The following DENND5B variants were observed in gnomAD, a reference collection of about 807,000 sequenced individuals.
The protein encoded by DENND5B is DENN domain containing 5B.
In DENND5B, 34 loss-of-function variants were observed where a neutral mutation model predicts 140.6. The ratio of observed to expected loss-of-function variants is 0.24; its 90% CI spans 0.18 to 0.32. The LOEUF (loss-of-function observed/expected upper bound fraction) is 0.32, where lower values mean the gene tolerates loss of function less well. Among genes scored for constraint, DENND5B ranks in the 10% least tolerant of loss-of-function variants. DENND5B has a pLI of 1.00. For missense variants in DENND5B, 1,142 were observed against 1,560.2 expected, an observed-to-expected ratio of 0.73 and a Z score of 4.52; for synonymous variants, 551 against 562.1, an observed-to-expected ratio of 0.98 and a Z score of 0.28.
At chr12:31,471,144 G>GT (rs1945538261) in intron 3 of DENND5B, among the ~76,000 whole-genome samples, 1 of 150,252 alleles carries the variant, frequency 6.7e-6, no homozygotes, top group South Asian at 2.1e-4. Flanking sequence ...TGGTCAGGGC[G>GT]TGACAACTAG....
chr12:31,426,654 G>A lies in DENND5B; in HGVS notation c.2107-230C>T, dbSNP rs536981191. 4.3e-4 allele frequency: 165 copies of A among 384,572 alleles called. 2 individuals carry two copies. The South Asian group carries it at 5.7e-3, about 13-fold the overall frequency. 23.8% of individuals were successfully genotyped at this position (384,572 alleles called of 1,614,324 possible). A position where few individuals can be genotyped will look rare whatever the true frequency, so the allele number is the denominator to read the frequency against. ...AGTAAAGTGACAGAAACCCCATCAC[G>A]TTAAAACTCATTCAAAGTGAGATGA... On this transcript the variant is annotated intron_variant, in intron 8 of 20. Coordinates refer to ENST00000389082, the MANE Select transcript of DENND5B (RefSeq NM_144973.4).
chr12:31,383,506 A>T lies in DENND5B; in HGVS notation c.*4097T>A, dbSNP rs1168653130. The T allele has an allele frequency of 6.6e-6, 1 of 152,220 alleles. No individual in the cohort carries two copies. Among genetic ancestry groups the T allele is most frequent in the Non-Finnish European group, 1.5e-5 (1 of 68,036 alleles). The allele number at this position is 152,220 out of a possible 1,614,324, so 9.4% of individuals were successfully genotyped here. ...ATAATTTTTTAAAAAGCCATGTGAA[A>T]GTAAATACCACAAGGTTACAAAAGG... On this transcript the variant is annotated 3_prime_UTR_variant, in exon 21 of 21. Coordinates refer to ENST00000389082, the MANE Select transcript of DENND5B (RefSeq NM_144973.4).
At chr12:31,544,169 T>G (rs941937026) in intron 1 of DENND5B, among the ~76,000 whole-genome samples, 6 of 152,198 alleles carry the variant, frequency 3.9e-5, no homozygotes, top group African/African-American at 1.2e-4. Context: ...ATCTCAAAAT[T>G]AATGAATGAA....
At chr12:31,539,169 A>G (rs1413864192) in intron 1 of DENND5B, among the ~76,000 whole-genome samples, 1 of 152,130 alleles carries the variant, frequency 6.6e-6, no homozygotes, top group Non-Finnish European at 1.5e-5. Context: ...ACTACAACCT[A>G]CCATGATTGA....
At chr12:31,392,826 T>C (rs576028356) in intron 17 of DENND5B, 130 bp from the exon 18 acceptor site, 43 of 870,874 alleles carry the variant, frequency 4.9e-5, no homozygotes, top group Non-Finnish European at 6.8e-5. Context: ...AGGGGCTCCA[T>C]AGAACTTGCC....
intron 5 of DENND5B, among the ~76,000 whole-genome samples, chr12:31,448,673 C>T (rs1455218072): frequency 6.6e-6 from 1 of 152,144 alleles, no homozygotes; most frequent in Non-Finnish European, 1.5e-5. Context: ...ATTCCTTCCA[C>T]ACCTGTGCTG....
chr12:31,392,734 G>T, intron 17 of DENND5B, 38 bp from the exon 18 acceptor site: 1 of 1,533,894 alleles, frequency 6.5e-7, no homozygotes. Context: ...TCTCATGGGA[G>T]AGAAATAAAC....
At chr12:31,475,642 A>G (rs1311539340) in intron 3 of DENND5B, among the ~76,000 whole-genome samples, 2 of 151,886 alleles carry the variant, frequency 1.3e-5, no homozygotes, top group African/African-American at 4.8e-5. Context: ...CCAGCTACTC[A>G]GGAGGCTGAG....
chr12:31,422,650 G>A (rs77968969), intron 11 of DENND5B, among the ~76,000 whole-genome samples: 1,735 of 152,198 alleles, frequency 0.011, 14 homozygotes, highest in East Asian at 0.036. Flanking sequence ...AAAAGGTTCC[G>A]AAATGGCTGA....
intron 8 of DENND5B, among the ~76,000 whole-genome samples, chr12:31,429,172 G>A (rs1259551586): frequency 6.7e-6 from 1 of 149,370 alleles, no homozygotes; most frequent in Non-Finnish European, 1.5e-5. Flanking sequence ...ACGCCCGGCT[G>A]TAATTTTTGT....
intron 1 of DENND5B, among the ~76,000 whole-genome samples, chr12:31,558,508 A>T (rs972568921): frequency 6.6e-6 from 1 of 152,156 alleles, no homozygotes; most frequent in Non-Finnish European, 1.5e-5. Context: ...GACCCAAATA[A>T]CTTCATTCCT....
In DENND5B at chr12:31,383,779, A is replaced by C. The variant is rs1940734820; in HGVS notation, c.*3824T>G. On this transcript the variant is annotated 3_prime_UTR_variant, in exon 21 of 21. Transcript: ENST00000389082. ...AGATCTCACACATGCTTCCAACATC[A>C]GTGTAATGCCACTGTGTCATAAAGG... 6.6e-6 allele frequency: 1 copy of C among 152,172 alleles called. No individual in the cohort carries two copies. Among genetic ancestry groups the C allele is most frequent in the Non-Finnish European group, 1.5e-5 (1 of 68,048 alleles). The allele number at this position is 152,172 out of a possible 1,614,324, so 9.4% of individuals were successfully genotyped here.
chr12:31,398,530 G>T (rs1941609387), intron 16 of DENND5B, among the ~76,000 whole-genome samples, 168 bp from the exon 17 acceptor site: 1 of 151,898 alleles, frequency 6.6e-6, no homozygotes. Context: ...TTGAACTCTT[G>T]GCCTCAAGTG....
chr12:31,399,595 T>A, intron 16 of DENND5B, 59 bp downstream of exon 16: 4 of 1,409,764 alleles, frequency 2.8e-6, no homozygotes. Flanking sequence ...TCTTAAACCT[T>A]TTCTTACCTG....
At chr12:31,522,454 T>TA (rs1947929916) in intron 1 of DENND5B, among the ~76,000 whole-genome samples, 1 of 152,144 alleles carries the variant, frequency 6.6e-6, no homozygotes, top group African/African-American at 2.4e-5. Flanking sequence ...AAATTGCTAT[T>TA]ATTATTTTGA....
At chr12:31,539,964 C>T (rs1206963363) in intron 1 of DENND5B, among the ~76,000 whole-genome samples, 3 of 151,810 alleles carry the variant, frequency 2.0e-5, no homozygotes, top group African/African-American at 7.3e-5. Context: ...GATATGATCT[C>T]GTATTTGGAA....
chr12:31,574,693 C>T (rs1949952749), intron 1 of DENND5B, among the ~76,000 whole-genome samples: 1 of 152,204 alleles, frequency 6.6e-6, no homozygotes. Context: ...CCTCTCCATA[C>T]ACTCAATACT....
At chr12:31,467,424 G>A (rs1043431451) in intron 3 of DENND5B, among the ~76,000 whole-genome samples, 3 of 151,186 alleles carry the variant, frequency 2.0e-5, no homozygotes, top group South Asian at 4.2e-4. Flanking sequence ...AGGACTTCAC[G>A]ACCAGCCTGG....
intron 1 of DENND5B, among the ~76,000 whole-genome samples, chr12:31,551,090 G>T (rs965015638): frequency 7.2e-5 from 11 of 152,082 alleles, no homozygotes; most frequent in African/African-American, 2.7e-4. Context: ...GTCAATTTTG[G>T]CTTTTGTTGC....
Sources: allele counts gnomAD v4.1 joint callset (sites outside exome capture counted in the v4.1 genomes callset), GRCh38; gene constraint gnomAD v4.1.1; transcripts MANE v1.5; gene names NCBI Gene and HGNC (gene_info 2026-07-23, HGNC 2026-07-21).